SAMMSON: variants seen among roughly 807,000 people sequenced by gnomAD.
SAMMSON encodes long intergenic non-protein coding RNA 1212.
intron 9 of SAMMSON, among the ~76,000 whole-genome samples, chr3:70,379,356 A>G (rs981250560): frequency 6.6e-6 from 1 of 152,206 alleles, no homozygotes; most frequent in African/African-American, 2.4e-5. Flanking sequence ...TGCTAAATCT[A>G]ACAGCCTTGT....
chr3:70,321,345 C>T (rs748950996), intron 7 of SAMMSON, among the ~76,000 whole-genome samples: 13 of 152,028 alleles, frequency 8.6e-5, no homozygotes, highest in Non-Finnish European at 1.2e-4. Context: ...TGGAATTATA[C>T]AGTATGTATT....
At chr3:70,257,028 T>C (rs1291320872) in intron 6 of SAMMSON, among the ~76,000 whole-genome samples, 1 of 152,172 alleles carries the variant, frequency 6.6e-6, no homozygotes, top group East Asian at 1.9e-4. Flanking sequence ...AATATCATAA[T>C]AATTCAGAGA....
intron 4 of SAMMSON, among the ~76,000 whole-genome samples, chr3:70,122,673 AG>A (rs1386197910): frequency 1.3e-5 from 2 of 152,254 alleles, no homozygotes; most frequent in African/African-American, 2.4e-5. Context: ...GCTGTGAAAC[AG>A]AAGATTTTTC....
intron 4 of SAMMSON, among the ~76,000 whole-genome samples, chr3:70,137,964 A>G (rs968471114): frequency 1.3e-5 from 2 of 152,102 alleles, no homozygotes; most frequent in Non-Finnish European, 2.9e-5. Context: ...ATATACATTC[A>G]TGTTGTTCTG....
intron 4 of SAMMSON, among the ~76,000 whole-genome samples, chr3:70,161,580 G>A (rs929199770): frequency 6.6e-6 from 1 of 151,634 alleles, no homozygotes; most frequent in Non-Finnish European, 1.5e-5. Context: ...ATTTTGTTGA[G>A]GATTTTTGTA....
chr3:70,243,416 G>A (rs1437561584), intron 4 of SAMMSON, among the ~76,000 whole-genome samples: 1 of 152,150 alleles, frequency 6.6e-6, no homozygotes, highest in Non-Finnish European at 1.5e-5. Flanking sequence ...GAAATTCTGT[G>A]TGCAGCAGCT....
At chr3:70,360,726 A>G (rs2106739798) in intron 9 of SAMMSON, among the ~76,000 whole-genome samples, 1 of 152,322 alleles carries the variant, frequency 6.6e-6, no homozygotes, top group African/African-American at 2.4e-5. Context: ...TCTCAGAGTA[A>G]GTTATGATAA....
chr3:70,398,292 T>C (rs1701109086), intron 2 of SAMMSON, among the ~76,000 whole-genome samples: 1 of 152,206 alleles, frequency 6.6e-6, no homozygotes, highest in Non-Finnish European at 1.5e-5. Flanking sequence ...ATGAATAAGG[T>C]TTCCTGTATA....
At chr3:70,179,695 T>A (rs1039442201) in intron 4 of SAMMSON, among the ~76,000 whole-genome samples, 1 of 152,218 alleles carries the variant, frequency 6.6e-6, no homozygotes, top group Non-Finnish European at 1.5e-5. Flanking sequence ...AGTGGCTGAC[T>A]GTGGCTTAGA....
intron 4 of SAMMSON, among the ~76,000 whole-genome samples, chr3:70,092,247 T>G (rs564404866): frequency 6.6e-6 from 1 of 152,222 alleles, no homozygotes; most frequent in African/African-American, 2.4e-5. Context: ...GTTTTAGTTT[T>G]TTTTTTAATT....
Position 70,422,420 on chromosome 3 carries a change from A to C in SAMMSON, n.234-40140A>C, listed in dbSNP as rs542277555. ...AATATTTTATTATAAACAACGTATTACTTGTCTCTGATTTAAAAAAATCTT... is the reference window on the plus strand; with the variant it reads ...AATATTTTATTATAAACAACGTATTCCTTGTCTCTGATTTAAAAAAATCTT... On this transcript the variant is annotated intron_variant and non_coding_transcript_variant, in intron 2 of 3. Transcript: ENST00000641053. 5.9e-5 allele frequency among the ~76,000 whole-genome samples: 9 copies of C among 152,156 alleles called. No homozygotes were observed. The East Asian group carries it at 1.7e-3, about 29-fold the overall frequency.
intron 4 of SAMMSON, among the ~76,000 whole-genome samples, chr3:70,142,319 G>A (rs113497682): frequency 0.072 from 11,017 of 151,960 alleles, 542 homozygotes; most frequent in Non-Finnish European, 0.11. Flanking sequence ...AGAAACTGTG[G>A]TATATATATA....
intron 1 of SAMMSON, among the ~76,000 whole-genome samples, chr3:70,011,163 TG>T (rs2066953932): frequency 6.6e-6 from 1 of 152,186 alleles, no homozygotes; most frequent in South Asian, 2.1e-4. Context: ...TACATATTTC[TG>T]AGGTGCATGC....
intron 3 of SAMMSON, among the ~76,000 whole-genome samples, chr3:70,037,136 A>C (rs1457004558): frequency 6.6e-6 from 1 of 151,348 alleles, no homozygotes; most frequent in African/African-American, 2.4e-5. Flanking sequence ...TATTCATGCT[A>C]CCTGTAGTGA....
intron 7 of SAMMSON, among the ~76,000 whole-genome samples, chr3:70,346,425 A>G (rs1333367653): frequency 1.3e-5 from 2 of 151,448 alleles, no homozygotes; most frequent in Non-Finnish European, 2.9e-5. Flanking sequence ...TGCATTTTAC[A>G]TTTAAGTGTA....
chr3:70,232,674 A>G (rs1398708423), intron 4 of SAMMSON, among the ~76,000 whole-genome samples: 1 of 152,104 alleles, frequency 6.6e-6, no homozygotes, highest in Non-Finnish European at 1.5e-5. Flanking sequence ...CTTAGGATGA[A>G]GACATCATTC....
rs1249087635 is a variant in SAMMSON, at chr3:70,171,614, T to TG, written n.508-77493_508-77492insG. 2.5e-4 allele frequency among the ~76,000 whole-genome samples: 26 copies of TG among 102,044 alleles called. No homozygotes were observed. The South Asian group carries it at 3.0e-3, about 12-fold the overall frequency. 66.9% of individuals were successfully genotyped at this position (102,044 alleles called of 152,430 possible). Reference sequence around the variant, plus strand: ...TGATGTAACTTAAAAGGCACAGTCTTTGGGGGGGGGAGCTTGACTCCCAGT... The same window carrying TG: ...TGATGTAACTTAAAAGGCACAGTCTTGTGGGGGGGGGAGCTTGACTCCCAGT... On this transcript the variant is annotated intron_variant and non_coding_transcript_variant, in intron 4 of 9. Coordinates refer to ENST00000642114, the Ensembl canonical transcript of SAMMSON.
intron 6 of SAMMSON, among the ~76,000 whole-genome samples, chr3:70,251,922 A>G (rs1701773118): frequency 6.6e-6 from 1 of 152,198 alleles, no homozygotes; most frequent in South Asian, 2.1e-4. Context: ...CACTGTAATT[A>G]TGGCAATATT....
chr3:70,167,729 G>A (rs1380998018), intron 4 of SAMMSON, among the ~76,000 whole-genome samples: 1 of 151,900 alleles, frequency 6.6e-6, no homozygotes, highest in African/African-American at 2.4e-5. Flanking sequence ...AGACCCTGAT[G>A]AACGTCAGCA....
Sources: gnomAD v4.1 joint callset for allele counts (sites outside exome capture counted in the v4.1 genomes callset) on GRCh38, gnomAD v4.1.1 for gene constraint, MANE v1.5 for transcripts, NCBI Gene and HGNC (gene_info 2026-07-23, HGNC 2026-07-21) for gene names.